The following NUCKS1 variants were observed in gnomAD, a reference collection of about 807,000 sequenced individuals.
NUCKS1 encodes the protein nuclear ubiquitous casein and cyclin-dependent kinase substrate 1.
Under a neutral mutation model 33.0 loss-of-function variants are expected in NUCKS1, and 2 were observed. That is an observed-to-expected ratio of 0.06 (90% CI 0.02 to 0.19). The LOEUF is 0.19. NUCKS1 is among the 10% of genes least tolerant of loss of function. NUCKS1 has a pLI of 1.00. For synonymous variants in NUCKS1, 106 were observed against 102.8 expected (o/e 1.03, Z -0.19); for missense variants, 201 against 293.6 (o/e 0.68, Z 2.31).
intron 5 of NUCKS1, 180 bp from the exon 6 acceptor site, chr1:205,719,856 A>G (rs982861094): frequency 1.7e-6 from 1 of 575,144 alleles, no homozygotes; most frequent in Non-Finnish European, 2.9e-6. Context: ...TGTCAAATGG[A>G]TTTTGCATGC....
At chr1:205,721,700 T>C (rs1019149017) in intron 4 of NUCKS1, among the ~76,000 whole-genome samples, 1 of 150,812 alleles carries the variant, frequency 6.6e-6, no homozygotes, top group African/African-American at 2.4e-5. Flanking sequence ...TGAGATGGAG[T>C]TTTGCTCTTG....
At chr1:205,749,008 T>G (rs529635194) in intron 1 of NUCKS1, among the ~76,000 whole-genome samples, 16 of 151,850 alleles carry the variant, frequency 1.1e-4, no homozygotes, top group Non-Finnish European at 1.9e-4. Flanking sequence ...GCTGGGGGAA[T>G]AGCAAACTTG....
At chr1:205,741,801 G>C (rs1654182517) in intron 1 of NUCKS1, among the ~76,000 whole-genome samples, 1 of 152,208 alleles carries the variant, frequency 6.6e-6, no homozygotes, top group African/African-American at 2.4e-5. Flanking sequence ...TCCTGGGAAA[G>C]AAGTTAGGGT....
chr1:205,740,308 C>T (rs114888752), intron 1 of NUCKS1, among the ~76,000 whole-genome samples: 63 of 151,922 alleles, frequency 4.1e-4, no homozygotes, highest in African/African-American at 1.5e-3. Context: ...CCTGGCCCAT[C>T]CTATTTACAA....
chr1:205,720,802 A>C, intron 4 of NUCKS1, 149 bp from the exon 5 acceptor site: 1 of 783,454 alleles, frequency 1.3e-6, no homozygotes, highest in Non-Finnish European at 1.9e-6. Flanking sequence ...GCTTTATTTC[A>C]TTGTAAAAGG....
At position 205,723,972 on chromosome 1, in the gene NUCKS1, T is replaced by C; in HGVS notation, c.183A>G (p.Ser61=). ...GKNSQEDSED[S]EDKDVKTKKD... ...TCTTGGTCTTCACATCTTTGTCTTC[T>C]GAGTCCTCACTATAAAGGGAGGCAA... Residue 61 remains serine (S), a synonymous_variant, in exon 4 of 7, where the codon TCA becomes TCG. Coordinates refer to ENST00000367142, the MANE Select transcript of NUCKS1 (RefSeq NM_022731.5). 1.9e-6 allele frequency: 3 copies of C among 1,612,466 alleles called. No individual in the cohort carries two copies. Among genetic ancestry groups the C allele is most frequent in the South Asian group, 1.1e-5 (1 of 91,028 alleles).
At chr1:205,739,997 G>GTTTTTTTTTT (rs60866378) in intron 1 of NUCKS1, among the ~76,000 whole-genome samples, 20 of 81,766 alleles carry the variant, frequency 2.4e-4, no homozygotes, top group East Asian at 4.2e-4. Flanking sequence ...TTTACTTTAG[G>GTTTTTTTTTT]TTTTTTTTTT....
intron 5 of NUCKS1, among the ~76,000 whole-genome samples, 172 bp downstream of exon 5, chr1:205,720,329 C>A (rs906293398): frequency 6.6e-6 from 1 of 152,148 alleles, no homozygotes; most frequent in African/African-American, 2.4e-5. Flanking sequence ...AATCTCTGAA[C>A]CTTTAAAAAT....
intron 1 of NUCKS1, among the ~76,000 whole-genome samples, chr1:205,733,061 A>G (rs1381373219): frequency 6.6e-6 from 1 of 152,064 alleles, no homozygotes; most frequent in Non-Finnish European, 1.5e-5. Context: ...TAGAAGAGGA[A>G]CTCTTACATC....
intron 1 of NUCKS1, among the ~76,000 whole-genome samples, chr1:205,744,632 T>TTTTTG (rs1354375997): frequency 7.5e-6 from 1 of 132,716 alleles, no homozygotes; most frequent in Non-Finnish European, 1.6e-5. Flanking sequence ...TCACTAGAGT[T>TTTTTG]TTTTTTTTTT....
rs765188152 is a variant in NUCKS1 at position 205,727,776 on chromosome 1, G to A, written c.97C>T (p.Pro33Ser). The A allele has an allele frequency of 6.2e-7, 1 of 1,613,036 alleles. No individual in the cohort carries two copies. The highest frequency in any genetic ancestry group is 8.5e-7 in the Non-Finnish European group (1 of 1,179,454). The change falls in exon 3 of 7, where the codon CCC (proline) becomes TCC (serine). Residue 33 changes from proline to serine, a missense_variant. Transcript: ENST00000367142. ...DEDYGRDSGP[P>S]TKKIRSSPRE... The stretch of plus-strand genomic sequence containing the variant: ...GGAGATGATCGAATTTTCTTAGTGG[G>A]AGGGCCCGAATCTCTTCCATAATCT...
At chr1:205,745,552 A>G (rs1247379679) in intron 1 of NUCKS1, among the ~76,000 whole-genome samples, 1 of 152,244 alleles carries the variant, frequency 6.6e-6, no homozygotes, top group Non-Finnish European at 1.5e-5. Flanking sequence ...GCTAAGTTAA[A>G]CATTTTGGCT....
chr1:205,743,000 C>T (rs1654218492), intron 1 of NUCKS1, among the ~76,000 whole-genome samples: 1 of 152,026 alleles, frequency 6.6e-6, no homozygotes. Flanking sequence ...TTTTAAAATG[C>T]AAATTTAACA....
intron 2 of NUCKS1, among the ~76,000 whole-genome samples, chr1:205,728,305 G>A (rs1653825955): frequency 6.6e-6 from 1 of 151,684 alleles, no homozygotes; most frequent in Non-Finnish European, 1.5e-5. Context: ...ACTGTTTACT[G>A]CACCATTTGC....
Position 205,750,078 on chromosome 1 carries a change from C to T in NUCKS1, c.-105G>A. The T allele has an allele frequency of 9.0e-7, 1 of 1,112,320 alleles. No individual in the cohort carries two copies. The highest frequency in any genetic ancestry group is 1.2e-6 in the Non-Finnish European group (1 of 811,430). The allele number at this position is 1,112,320 out of a possible 1,614,324, so 68.9% of individuals were successfully genotyped here. On this transcript the variant is annotated 5_prime_UTR_variant, in exon 1 of 7. Transcript: ENST00000367142. ...CCCCGAACTTCAGCCGATGGGACCG[C>T]TGCTGCCGAACCCCGAGCTGCTGGC...
At chr1:205,749,933 C>G (rs757840307) in intron 1 of NUCKS1, 24 bp downstream of exon 1, 3 of 1,608,040 alleles carry the variant, frequency 1.9e-6, no homozygotes, top group African/African-American at 1.3e-5. Flanking sequence ...CCAACCCGCT[C>G]CAGGCCTCAG....
At chr1:205,743,937 G>A (rs1370846773) in intron 1 of NUCKS1, among the ~76,000 whole-genome samples, 1 of 152,074 alleles carries the variant, frequency 6.6e-6, no homozygotes, top group Non-Finnish European at 1.5e-5. Flanking sequence ...AGGTGGCTTT[G>A]GAATCACCTA....
rs187002192 is a variant in NUCKS1, at chr1:205,714,951, C to T, written c.*3329G>A. 12 of 152,240 alleles carry T rather than the reference C, an allele frequency of 7.9e-5. No individual in the cohort carries two copies. In the East Asian group the frequency reaches 1.7e-3, roughly 22 times the overall value. The allele number at this position is 152,240 out of a possible 1,614,324, so 9.4% of individuals were successfully genotyped here. On this transcript the variant is annotated 3_prime_UTR_variant, in exon 7 of 7. Transcript: ENST00000367142. The stretch of plus-strand genomic sequence containing the variant: ...CCATGATCTTTTATAAAGCTTTCCC[C>T]GTTGCTCCTGATATTTATTTCTGCT...
In NUCKS1 at chr1:205,734,906, A is replaced by G. The variant is rs562910194; in HGVS notation, c.18-5285T>C. Among the ~76,000 whole-genome samples, 4 of 152,236 alleles carry G rather than the reference A, an allele frequency of 2.6e-5. No individual in the cohort carries two copies. The South Asian group carries it at 8.3e-4, about 32-fold the overall frequency. On this transcript the variant is annotated intron_variant, in intron 1 of 6. Transcript: ENST00000367142. ...CAAGACTCCATCTCAAAAAAAAAATAAAAAAGTTTATTTCCCAAACAATGT... is the reference window on the plus strand; with the variant it reads ...CAAGACTCCATCTCAAAAAAAAAATGAAAAAGTTTATTTCCCAAACAATGT...
Sources: allele counts gnomAD v4.1 joint callset (sites outside exome capture counted in the v4.1 genomes callset), GRCh38; gene constraint gnomAD v4.1.1; transcripts MANE v1.5; gene names NCBI Gene and HGNC (gene_info 2026-07-23, HGNC 2026-07-21).